BCKDHB: variants seen among roughly 807,000 people sequenced by gnomAD.
BCKDHB encodes the protein branched chain keto acid dehydrogenase E1 subunit beta, also known as 2-oxoisovalerate dehydrogenase subunit beta, mitochondrial.
BCKDHB carries 41 observed loss-of-function variants against 48.5 expected under a neutral mutation model. The observed-to-expected ratio is 0.85, with a 90% confidence interval of 0.66 to 1.10. The LOEUF (loss-of-function observed/expected upper bound fraction) is 1.10. Among genes scored for constraint, BCKDHB ranks in the 50% least tolerant of loss-of-function variants. The pLI is 0.00. For synonymous variants in BCKDHB, 201 were observed against 174.8 expected, an observed-to-expected ratio of 1.15 and a Z score of -1.18; for missense variants, 496 against 494.2, an observed-to-expected ratio of 1.00 and a Z score of -0.03.
chr6:80,330,167 G>T (rs1769251597), intron 9 of BCKDHB, among the ~76,000 whole-genome samples: 1 of 151,854 alleles, frequency 6.6e-6, no homozygotes, highest in South Asian at 2.1e-4. Flanking sequence ...ACTGGGCTTT[G>T]TGGAGAAAAT....
chr6:80,122,224 A>AT (rs1213764161), intron 1 of BCKDHB, among the ~76,000 whole-genome samples: 3 of 150,986 alleles, frequency 2.0e-5, no homozygotes, highest in South Asian at 2.1e-4. Flanking sequence ...GGTGGATAAG[A>AT]TTTTTTATGT....
At chr6:80,347,790 A>G (rs965431253), downstream of BCKDHB, among the ~76,000 whole-genome samples, 2 of 152,224 alleles carry the variant, frequency 1.3e-5, no homozygotes, top group Admixed American at 6.5e-5. Context: ...AGTTAACACT[A>G]AACTCAATCT....
At chr6:80,241,327 G>C (rs1776379852) in intron 8 of BCKDHB, among the ~76,000 whole-genome samples, 1 of 152,174 alleles carries the variant, frequency 6.6e-6, no homozygotes, top group Non-Finnish European at 1.5e-5. Flanking sequence ...AAGGAGAAGA[G>C]GCACTCTGAT....
At chr6:80,374,342 C>G in the BCKDHB span, 48,167 of 936,682 alleles carry the variant, frequency 0.051, 2,369 homozygotes, top group South Asian at 0.18. Context: ...GTGTCTAGCC[C>G]CACTGCTTGG....
intron 1 of BCKDHB, among the ~76,000 whole-genome samples, chr6:80,109,479 G>A (rs1769303913): frequency 6.6e-6 from 1 of 152,100 alleles, no homozygotes; most frequent in Non-Finnish European, 1.5e-5. Context: ...TGGATTTTAA[G>A]TGCATAGTTC....
chr6:80,265,840 T>C (rs146827025), intron 8 of BCKDHB, among the ~76,000 whole-genome samples: 71 of 152,246 alleles, frequency 4.7e-4, no homozygotes, highest in African/African-American at 1.6e-3. Flanking sequence ...ATGATAAATA[T>C]AGTGGAATGA....
At chr6:80,337,893 C>G (rs1769680000) in intron 9 of BCKDHB, among the ~76,000 whole-genome samples, 1 of 152,132 alleles carries the variant, frequency 6.6e-6, no homozygotes, top group South Asian at 2.1e-4. Flanking sequence ...GTACAATGTC[C>G]TGCTTTTCTG....
the BCKDHB span, among the ~76,000 whole-genome samples, chr6:80,384,522 C>G: frequency 6.6e-6 from 1 of 152,032 alleles, no homozygotes; most frequent in Non-Finnish European, 1.5e-5. Flanking sequence ...CAATGCCTGG[C>G]TAACTTTTGT....
chr6:80,164,939 ATT>A (rs1562100496), intron 3 of BCKDHB, among the ~76,000 whole-genome samples: 1 of 152,204 alleles, frequency 6.6e-6, no homozygotes, highest in Non-Finnish European at 1.5e-5. Context: ...ATAGAAACCG[ATT>A]TTTAACAGTT....
intron 9 of BCKDHB, among the ~76,000 whole-genome samples, chr6:80,317,477 C>T (rs1404549122): frequency 6.6e-6 from 1 of 152,160 alleles, no homozygotes; most frequent in Non-Finnish European, 1.5e-5. Flanking sequence ...ACAGAAATTG[C>T]ATCTCGCGCA....
chr6:80,292,405 CAT>C (rs1266022873), intron 9 of BCKDHB, among the ~76,000 whole-genome samples: 1 of 152,130 alleles, frequency 6.6e-6, no homozygotes, highest in Non-Finnish European at 1.5e-5. Flanking sequence ...CAAAAGAGAA[CAT>C]GTGTAGGGAA....
chr6:80,432,976 G>A, the BCKDHB span, among the ~76,000 whole-genome samples: 14 of 152,262 alleles, frequency 9.2e-5, no homozygotes, highest in African/African-American at 3.4e-4. Flanking sequence ...GTTTGCCTGG[G>A]TATCACCAGT....
intron 8 of BCKDHB, among the ~76,000 whole-genome samples, chr6:80,214,666 C>T (rs192973154): frequency 3.8e-4 from 58 of 152,256 alleles, no homozygotes; most frequent in African/African-American, 1.3e-3. Context: ...GTTTCCACAG[C>T]GGGGCCTGGC....
At chr6:80,112,006 A>C (rs940558713) in intron 1 of BCKDHB, among the ~76,000 whole-genome samples, 1 of 152,220 alleles carries the variant, frequency 6.6e-6, no homozygotes. Context: ...ATGACCAGTA[A>C]GTACTCCAGT....
the BCKDHB span, among the ~76,000 whole-genome samples, chr6:80,438,170 C>T: frequency 2.0e-5 from 3 of 152,224 alleles, no homozygotes; most frequent in African/African-American, 7.2e-5. Context: ...CACATACACA[C>T]TAGGAAACAC....
At chr6:80,270,918 T>C (rs1230925175) in intron 8 of BCKDHB, among the ~76,000 whole-genome samples, 1 of 152,132 alleles carries the variant, frequency 6.6e-6, no homozygotes, top group Non-Finnish European at 1.5e-5. Flanking sequence ...CAAAATAACA[T>C]GTATTTTTAA....
chr6:80,282,123 G>A (rs938343536), intron 9 of BCKDHB, among the ~76,000 whole-genome samples: 4 of 152,072 alleles, frequency 2.6e-5, no homozygotes, highest in Admixed American at 6.6e-5. Flanking sequence ...ATGTCAATAC[G>A]GAAATTAATA....
intron 3 of BCKDHB, among the ~76,000 whole-genome samples, chr6:80,142,625 C>T (rs578174137): frequency 4.6e-5 from 7 of 152,168 alleles, no homozygotes; most frequent in African/African-American, 1.7e-4. Flanking sequence ...CTGACTCTCT[C>T]TATTCATGCT....
In BCKDHB at chr6:80,130,222, C is replaced by T. The variant is rs115527324; in HGVS notation, c.343+993C>T. 3.8e-3 allele frequency among the ~76,000 whole-genome samples: 581 copies of T among 152,268 alleles called. 3 individuals are homozygous for T. The highest frequency in any genetic ancestry group is 0.013 in the African/African-American group (555 of 41,550). On this transcript the variant is annotated intron_variant, in intron 3 of 9. Coordinates refer to ENST00000320393, the MANE Select transcript of BCKDHB (RefSeq NM_183050.4). ...CATTTTATTTTTTGTCTTAGTCTTA[C>T]CTGATTTAGAATTCAGCAAAGCAGT...
Sources: gnomAD v4.1 joint callset for allele counts (sites outside exome capture counted in the v4.1 genomes callset) on GRCh38, gnomAD v4.1.1 for gene constraint, MANE v1.5 for transcripts, NCBI Gene and HGNC (gene_info 2026-07-23, HGNC 2026-07-21) for gene names.